Variants in DMD observed in about 807,000 individuals in gnomAD.
The protein encoded by DMD is mutant dystrophin.
A neutral mutation model predicts 330.1 loss-of-function variants in DMD; 63 were observed. That is an observed-to-expected ratio of 0.19 (90% confidence interval 0.16 to 0.24). The LOEUF (loss-of-function observed/expected upper bound fraction) is 0.24. Ranked by LOEUF, DMD falls within the 10% of genes least tolerant of loss-of-function variation. The pLI is 1.00. For synonymous variants in DMD, 1,223 were observed against 959.8 expected, an observed-to-expected ratio of 1.27 and a Z score of -5.07; for missense variants, 3,344 against 2,684.1, an observed-to-expected ratio of 1.25 and a Z score of -5.43.
At chrX:31,418,501 T>G (rs1439851489) in intron 60 of DMD, among the ~76,000 whole-genome samples, 3 of 112,041 alleles carry the variant, frequency 2.7e-5, no homozygotes, top group Middle Eastern at 9.2e-3. Context: ...TACTAGGGAA[T>G]GACAATGAGA....
chrX:31,479,169 G>A (rs764504784), intron 57 of DMD, 66 bp from the exon 58 acceptor site: 1 of 1,157,575 alleles, frequency 8.6e-7, no homozygotes. Flanking sequence ...TTAATCCTGG[G>A]TGCTCAGAAC....
At chrX:32,800,127 G>T (rs180882450) in intron 7 of DMD, among the ~76,000 whole-genome samples, 1 of 111,872 alleles carries the variant, frequency 8.9e-6, no homozygotes, top group Non-Finnish European at 1.9e-5. Flanking sequence ...CTCCCCAAAT[G>T]TTTCATTATT....
At chrX:32,388,740 A>G (rs2097978656) in intron 32 of DMD, among the ~76,000 whole-genome samples, 1 of 110,367 alleles carries the variant, frequency 9.1e-6, no homozygotes, top group Non-Finnish European at 1.9e-5. Context: ...TTTTCATTTT[A>G]TGTGACTTCC....
chrX:32,220,061 G>T (rs1417064133), intron 43 of DMD, among the ~76,000 whole-genome samples: 1 of 111,671 alleles, frequency 9.0e-6, no homozygotes, highest in Non-Finnish European at 1.9e-5. Flanking sequence ...AGAGCTGGAG[G>T]TAGGAAGAGA....
chrX:32,159,478 G>A (rs1052815988), intron 44 of DMD, among the ~76,000 whole-genome samples: 1 of 111,772 alleles, frequency 8.9e-6, no homozygotes, highest in African/African-American at 3.3e-5. Flanking sequence ...ACTCACCCAG[G>A]CATTTGGATG....
chrX:32,701,495 C>T lies in DMD; in HGVS notation c.650-2202G>A, dbSNP rs745762487. 5.4e-5 allele frequency among the ~76,000 whole-genome samples: 6 copies of T among 111,579 alleles called. 1 individual carries two copies. In the South Asian group the frequency reaches 2.2e-3, roughly 42 times the overall value. The stretch of plus-strand genomic sequence containing the variant: ...TTCTGAAGCCTAGAAATCTCCAATT[C>T]ATTTGATAATTGTTTTTCAAAATAT... On this transcript the variant is annotated intron_variant, in intron 7 of 78. Coordinates refer to ENST00000357033, the MANE Select transcript of DMD (RefSeq NM_004006.3).
intron 44 of DMD, among the ~76,000 whole-genome samples, chrX:32,009,272 C>A (rs1249702831): frequency 9.0e-6 from 1 of 111,365 alleles, no homozygotes; most frequent in Non-Finnish European, 1.9e-5. Flanking sequence ...TGCTGGGGGT[C>A]TCTGTAAATA....
chrX:32,002,627 G>A (rs1221096128), intron 44 of DMD, among the ~76,000 whole-genome samples: 1 of 110,895 alleles, frequency 9.0e-6, no homozygotes, highest in Non-Finnish European at 1.9e-5. Flanking sequence ...TTTAGAATAA[G>A]GATGATAGCT....
intron 1 of DMD, among the ~76,000 whole-genome samples, chrX:33,316,845 TC>T (rs2053939111): frequency 9.0e-6 from 1 of 111,077 alleles, no homozygotes; most frequent in South Asian, 3.8e-4. Flanking sequence ...AGTCTTCCAA[TC>T]CATGAATGCA....
At chrX:32,799,673 C>A (rs1468444914) in intron 7 of DMD, among the ~76,000 whole-genome samples, 2 of 108,521 alleles carry the variant, frequency 1.8e-5, no homozygotes, top group African/African-American at 6.7e-5. Flanking sequence ...AACCCACGAC[C>A]AACGCATGTA....
intron 1 of DMD, among the ~76,000 whole-genome samples, chrX:33,161,548 C>G (rs1444573533): frequency 9.0e-6 from 1 of 111,471 alleles, no homozygotes; most frequent in African/African-American, 3.3e-5. Flanking sequence ...ATTTACGTGA[C>G]TAATGAGTGA....
chrX:32,447,047 A>G (rs1387906305), intron 27 of DMD, among the ~76,000 whole-genome samples: 6 of 111,122 alleles, frequency 5.4e-5, no homozygotes, highest in Non-Finnish European at 7.6e-5. Context: ...ATCACGGAGT[A>G]TCATTTAAAT....
At chrX:32,385,612 T>TA (rs2097952443) in intron 33 of DMD, among the ~76,000 whole-genome samples, 1 of 25,031 alleles carries the variant, frequency 4.0e-5, no homozygotes, top group South Asian at 1.7e-3. Context: ...AGAGACTACT[T>TA]ACTATCATAA....
intron 63 of DMD, among the ~76,000 whole-genome samples, chrX:31,257,698 A>G (rs1171681033): frequency 8.9e-6 from 1 of 112,169 alleles, no homozygotes; most frequent in Non-Finnish European, 1.9e-5. Flanking sequence ...TAATCCTAAC[A>G]ATTTGGGAGG....
In DMD at chrX:32,342,031, T is replaced by TA. The variant is rs1360526968; in HGVS notation, c.5922+68dup. 16 of 1,041,157 alleles carry TA rather than the reference T, an allele frequency of 1.5e-5. No homozygotes were observed. In the East Asian group the frequency reaches 4.8e-4, roughly 31 times the overall value. The allele number at this position is 1,041,157 out of a possible 1,213,427, so 85.8% of individuals were successfully genotyped here. On this transcript the variant is annotated intron_variant, in intron 41 of 78. Coordinates refer to ENST00000357033, the MANE Select transcript of DMD (RefSeq NM_004006.3). ...CCAGATTTTTTGTCTCTTTTTTTTT[T>TA]ATTAGTAGGCCTCTGTTAATAGAGT...
At chrX:31,699,155 G>A (rs2083635034) in intron 52 of DMD, among the ~76,000 whole-genome samples, 2 of 112,010 alleles carry the variant, frequency 1.8e-5, no homozygotes, top group Non-Finnish European at 1.9e-5. Context: ...TTATAGGGGC[G>A]TAAATAGGCA....
intron 7 of DMD, among the ~76,000 whole-genome samples, chrX:32,751,781 AG>A (rs2070852411): frequency 8.9e-6 from 1 of 112,379 alleles, no homozygotes; most frequent in African/African-American, 3.2e-5. Context: ...GGCTAGGCCC[AG>A]GGTCCCTCTG....
chrX:32,671,662 G>A (rs545262833), intron 9 of DMD, among the ~76,000 whole-genome samples: 6 of 111,872 alleles, frequency 5.4e-5, no homozygotes, highest in African/African-American at 1.9e-4. Flanking sequence ...TGACCTGGGA[G>A]GCTCCCCTAT....
chrX:32,123,502 A>C (rs1395267665), intron 44 of DMD, among the ~76,000 whole-genome samples: 1 of 109,106 alleles, frequency 9.2e-6, no homozygotes, highest in Non-Finnish European at 1.9e-5. Context: ...GGGGAAATGA[A>C]TGTGTCAGGA....
Sources: gnomAD v4.1 joint callset for allele counts (sites outside exome capture counted in the v4.1 genomes callset) on GRCh38, gnomAD v4.1.1 for gene constraint, MANE v1.5 for transcripts, NCBI Gene and HGNC (gene_info 2026-07-23, HGNC 2026-07-21) for gene names.